The following FAM117B variants were observed in gnomAD, a reference collection of about 807,000 sequenced individuals.
FAM117B encodes family with sequence similarity 117 member B, also known as protein FAM117B.
In FAM117B, 22 loss-of-function variants were observed where a neutral mutation model predicts 52.8. The observed-to-expected ratio is 0.42, with a 90% CI of 0.30 to 0.59. FAM117B has a LOEUF of 0.59. Among genes scored for constraint, FAM117B ranks in the 20% least tolerant of loss-of-function variants. The probability of loss-of-function intolerance (pLI) is 0.22; values close to 1 mark genes in which losing one functional copy is unlikely to be tolerated. For missense variants in FAM117B, 678 were observed against 802.6 expected (o/e 0.84, Z 1.88); for synonymous variants, 309 against 324.1 (o/e 0.95, Z 0.50).
At chr2:202,692,816 G>A (rs1690655144) in intron 1 of FAM117B, among the ~76,000 whole-genome samples, 2 of 152,114 alleles carry the variant, frequency 1.3e-5, no homozygotes, top group African/African-American at 4.8e-5. Context: ...TTTGCTGTGT[G>A]TACTTAATTC....
rs1020991067 is a variant in FAM117B at position 202,642,364 on chromosome 2, T to A, written c.601+6576T>A. On this transcript the variant is annotated intron_variant, in intron 1 of 7. Coordinates refer to ENST00000392238, the MANE Select transcript of FAM117B (RefSeq NM_173511.4). ...AATAGAATATATATATATATATATA[T>A]AAAATGAGTAGAGTGTGACTTGAGA... Among the ~76,000 whole-genome samples, 5 of 148,386 alleles carry A rather than the reference T, an allele frequency of 3.4e-5. No homozygotes were observed. The South Asian group carries it at 8.4e-4, about 25-fold the overall frequency.
intron 1 of FAM117B, among the ~76,000 whole-genome samples, chr2:202,685,841 A>G (rs775856260): frequency 1.3e-5 from 2 of 152,228 alleles, no homozygotes; most frequent in Non-Finnish European, 2.9e-5. Flanking sequence ...AGAAGAAAAC[A>G]TAGGAGCAAA....
intron 1 of FAM117B, among the ~76,000 whole-genome samples, chr2:202,646,575 C>T (rs1314060421): frequency 6.6e-6 from 1 of 152,152 alleles, no homozygotes; most frequent in Non-Finnish European, 1.5e-5. Context: ...GTTCTGGAGA[C>T]TCCTTGGCAT....
At chr2:202,765,304 A>G (rs1691958611) in intron 7 of FAM117B, 142 bp from the exon 8 acceptor site, 2 of 780,574 alleles carry the variant, frequency 2.6e-6, no homozygotes, top group South Asian at 1.9e-5. Flanking sequence ...GGTGGGGGAC[A>G]GAGCTTGAGT....
chr2:202,674,839 A>C (rs1163861406), intron 1 of FAM117B, among the ~76,000 whole-genome samples: 2 of 152,156 alleles, frequency 1.3e-5, no homozygotes, highest in Non-Finnish European at 2.9e-5. Flanking sequence ...TTTTTGTTTC[A>C]ATCATTTTAA....
chr2:202,725,609 G>A (rs933237699), intron 3 of FAM117B, among the ~76,000 whole-genome samples: 21 of 152,058 alleles, frequency 1.4e-4, no homozygotes, highest in Admixed American at 1.3e-3. Flanking sequence ...ATGAGCCACC[G>A]CACCTGGCCA....
intron 2 of FAM117B, among the ~76,000 whole-genome samples, 193 bp downstream of exon 2, chr2:202,696,225 G>T (rs962083258): frequency 5.3e-5 from 8 of 152,162 alleles, no homozygotes; most frequent in African/African-American, 1.9e-4. Context: ...GCCTGGGAAT[G>T]TGCATTTTAA....
intron 1 of FAM117B, among the ~76,000 whole-genome samples, chr2:202,681,392 T>C (rs1054425486): frequency 6.6e-6 from 1 of 152,162 alleles, no homozygotes; most frequent in Non-Finnish European, 1.5e-5. Flanking sequence ...AAGATCTAAT[T>C]ATATGACATC....
At chr2:202,685,643 C>A (rs1457526721) in intron 1 of FAM117B, among the ~76,000 whole-genome samples, 1 of 152,172 alleles carries the variant, frequency 6.6e-6, no homozygotes, top group Non-Finnish European at 1.5e-5. Flanking sequence ...AGAAATAATT[C>A]ACACTTCTCG....
rs913038191 is a variant in FAM117B, at chr2:202,637,969, C to T, written c.601+2181C>T. Among the ~76,000 whole-genome samples the T allele has an allele frequency of 7.3e-5, 11 of 151,206 alleles. No individual in the cohort carries two copies. The South Asian group carries it at 1.3e-3, about 17-fold the overall frequency. On this transcript the variant is annotated intron_variant, in intron 1 of 7. Coordinates refer to ENST00000392238, the MANE Select transcript of FAM117B (RefSeq NM_173511.4). ...TTGGCTCACTGCAACCTCTGCCTCC[C>T]GGGTTCAAGCGATGCTCCTGCCTCA...
Position 202,635,374 on chromosome 2 carries a change from G to A in FAM117B, c.187G>A (p.Gly63Ser), listed in dbSNP as rs988097831. The A allele has an allele frequency of 1.2e-5, 17 of 1,367,140 alleles. No homozygotes were observed. In the African/African-American group the frequency reaches 1.8e-4, roughly 15 times the overall value. The allele number at this position is 1,367,140 out of a possible 1,614,324, so 84.7% of individuals were successfully genotyped here. The change falls in exon 1 of 8, where the codon GGC becomes AGC. Residue 63 changes from glycine to serine, a missense_variant. Around this residue, in one of 3 missense-constraint regions of FAM117B, gnomAD observed 583 missense variants for 644.8 expected, o/e 0.90. Transcript: ENST00000392238. ...CACGCGGAGCGGCGGCGGCGGCGGC[G>A]GCAACAACAACGGTGGCTGCTGTGG... ...SPTRSGGGGGGNNNGGCCGGA... is the reference protein window; with the variant it reads ...SPTRSGGGGGSNNNGGCCGGA...
chr2:202,765,898 T>C lies in FAM117B; in HGVS notation c.*134T>C, dbSNP rs1170935156. 19 of 948,600 alleles carry C rather than the reference T, an allele frequency of 2.0e-5. No homozygotes were observed. Among genetic ancestry groups the C allele is most frequent in the Admixed American group, 2.8e-5 (1 of 35,270 alleles). 58.8% of individuals were successfully genotyped at this position (948,600 alleles called of 1,614,324 possible). On this transcript the variant is annotated 3_prime_UTR_variant, in exon 8 of 8. Transcript: ENST00000392238. ...CAGTGACATGTGACGGCGAGGCTTCTGGAAGAAAGGATCCCCCGTGACGGC... is the reference window on the plus strand; with the variant it reads ...CAGTGACATGTGACGGCGAGGCTTCCGGAAGAAAGGATCCCCCGTGACGGC...
intron 2 of FAM117B, among the ~76,000 whole-genome samples, chr2:202,714,327 T>G (rs11894220): frequency 5.1e-4 from 77 of 152,228 alleles, no homozygotes; most frequent in African/African-American, 1.8e-3. Context: ...GTCCATTTGA[T>G]TTATAGTATA....
At position 202,725,229 on chromosome 2, in the gene FAM117B, A is replaced by C. The variant is rs116477854; in HGVS notation, c.846+220A>C. 8.0e-3 allele frequency: 2,731 copies of C among 341,780 alleles called. 72 individuals are homozygous for C. The highest frequency in any genetic ancestry group is 0.053 in the African/African-American group (2,491 of 46,904). The allele number at this position is 341,780 out of a possible 1,614,324, so 21.2% of individuals were successfully genotyped here. A position where few individuals can be genotyped will look rare whatever the true frequency, so the allele number is the denominator to read the frequency against. On this transcript the variant is annotated intron_variant, in intron 3 of 7. Coordinates refer to ENST00000392238, the MANE Select transcript of FAM117B (RefSeq NM_173511.4). Reference sequence around the variant, plus strand: ...TGATTATGTATGTTTGTCTTTTTTTAGGAGAATTCATACCTGTCTATTAAC... The same window carrying C: ...TGATTATGTATGTTTGTCTTTTTTTCGGAGAATTCATACCTGTCTATTAAC...
intron 2 of FAM117B, among the ~76,000 whole-genome samples, chr2:202,703,564 C>G (rs540109929): frequency 7.2e-5 from 11 of 152,140 alleles, no homozygotes; most frequent in African/African-American, 2.7e-4. Flanking sequence ...CTATGTTGCC[C>G]GGGCTGGTCT....
chr2:202,642,103 G>A (rs944395578), intron 1 of FAM117B, among the ~76,000 whole-genome samples: 2 of 148,326 alleles, frequency 1.3e-5, no homozygotes, highest in Non-Finnish European at 1.5e-5. Flanking sequence ...CACCATGCCC[G>A]GCTGATTTTT....
At chr2:202,652,516 T>G (rs1382108980) in intron 1 of FAM117B, among the ~76,000 whole-genome samples, 1 of 152,190 alleles carries the variant, frequency 6.6e-6, no homozygotes, top group East Asian at 1.9e-4. Flanking sequence ...TTTGCAGTAT[T>G]CAGGGGTTAA....
chr2:202,654,931 T>TTA (rs144225852), intron 1 of FAM117B, among the ~76,000 whole-genome samples: 74 of 150,436 alleles, frequency 4.9e-4, no homozygotes, highest in South Asian at 2.9e-3. Context: ...GAGTATACGT[T>TTA]TATATATATA....
intron 4 of FAM117B, among the ~76,000 whole-genome samples, chr2:202,727,684 T>G (rs1249157620): frequency 2.0e-5 from 3 of 152,176 alleles, no homozygotes; most frequent in Non-Finnish European, 4.4e-5. Context: ...TATAAGGGAC[T>G]TGAGTATCTG....
Sources: gnomAD v4.1 joint callset for allele counts (sites outside exome capture counted in the v4.1 genomes callset) on GRCh38, gnomAD v4.1.1 for gene constraint, gnomAD v4.1.1 regional missense constraint, MANE v1.5 for transcripts, NCBI Gene and HGNC (gene_info 2026-07-23, HGNC 2026-07-21) for gene names.